Variants in PCDH12 observed in about 807,000 individuals in gnomAD.
PCDH12 encodes the protein protocadherin 12, also known as protocadherin-12.
Under a neutral mutation model 70.9 loss-of-function variants are expected in PCDH12, and 45 were observed. That is an observed-to-expected ratio of 0.63 (90% CI 0.50 to 0.81). The LOEUF is 0.81. PCDH12 is among the 40% of genes least tolerant of loss of function. The pLI is 0.00. For missense variants in PCDH12, 1,370 were observed against 1,491.7 expected (o/e 0.92, Z 1.34); for synonymous variants, 567 against 626.0 (o/e 0.91, Z 1.41).
chr5:141,957,976 C>T lies in PCDH12; in HGVS notation c.-125G>A, dbSNP rs936057956. 6.4e-6 allele frequency: 7 copies of T among 1,100,118 alleles called. No individual in the cohort carries two copies. In the East Asian group the frequency reaches 1.7e-4, roughly 27 times the overall value. 68.1% of individuals were successfully genotyped at this position (1,100,118 alleles called of 1,614,324 possible). The stretch of plus-strand genomic sequence containing the variant: ...CCTTCCCCCAGAGCTGCCGGCACAA[C>T]CTTGTCCCATAGTTAGATGATTATG... On this transcript the variant is annotated 5_prime_UTR_variant, in exon 1 of 4. Transcript: ENST00000231484. This position sits in a 1 kb window ranked among gnomAD's most constrained non-coding sequence, Gnocchi z 4.3.
intron 1 of PCDH12, among the ~76,000 whole-genome samples, chr5:141,953,797 A>G (rs1334357382): frequency 6.6e-6 from 1 of 152,236 alleles, no homozygotes; most frequent in Non-Finnish European, 1.5e-5. Context: ...TCCTAAGAGA[A>G]CAGCTGGGCC....
At position 141,955,251 on chromosome 5, in the gene PCDH12, C is replaced by A; in HGVS notation, c.2601G>T (p.Glu867Asp). Residue 867 changes from glutamate to aspartate, a missense_variant, in exon 1 of 4, where the codon GAG becomes GAT. Coordinates refer to ENST00000231484, the MANE Select transcript of PCDH12 (RefSeq NM_016580.4). This position sits in a 1 kb window ranked among gnomAD's most constrained non-coding sequence, Gnocchi z 5.5. ...GTGGCTGGCCTGTGGCAGGCTGGGG[C>A]TCGGGAAGGTTCAGGTTCTCCCGGG... is the stretch of plus-strand genomic sequence containing the variant. Reference protein sequence around the residue: ...NASRENLNLPEPQPATGQPRS... With the variant: ...NASRENLNLPDPQPATGQPRS... 1.2e-6 allele frequency: 2 copies of A among 1,614,220 alleles called. No homozygotes were observed. The highest frequency in any genetic ancestry group is 1.7e-6 in the Non-Finnish European group (2 of 1,180,044).
chr5:141,957,483 G>T lies in PCDH12; in HGVS notation c.369C>A (p.Ile123=). The change falls in exon 1 of 4, where the codon ATC becomes ATA. Residue 123 remains isoleucine (I), a synonymous_variant. Transcript: ENST00000231484. This position sits in a 1 kb window ranked among gnomAD's most constrained non-coding sequence, Gnocchi z 4.3. The part of the protein sequence containing the change: ...TGDLALIHVE[I]QVLDINDHQP... ...GGTGGTCATTGATGTCCAGCACTTG[G>T]ATCTCCACATGGATCAGAGCCAAAT... 6.2e-7 allele frequency: 1 copy of T among 1,613,466 alleles called. No homozygotes were observed. The highest frequency in any genetic ancestry group is 8.5e-7 in the Non-Finnish European group (1 of 1,179,684).
At chr5:141,954,840 A>T in intron 1 of PCDH12, 132 bp downstream of exon 1, 1 of 1,218,476 alleles carries the variant, frequency 8.2e-7, no homozygotes, top group African/African-American at 1.5e-5. Context: ...AACCATTGCT[A>T]CCCAAAGCAT....
At position 141,957,189 on chromosome 5, in the gene PCDH12, G is replaced by A. The variant is rs370982872; in HGVS notation, c.663C>T (p.Asn221=). ...DLVLTAYDNG[N]PPKSGTSLVK... ...CCAAGCTGGTACCTGACTTGGGGGG[G>A]TTCCCATTGTCATAGGCAGTTAACA... Residue 221 remains asparagine (N), a synonymous_variant, in exon 1 of 4, where the codon AAC becomes AAT. Coordinates refer to ENST00000231484, the MANE Select transcript of PCDH12 (RefSeq NM_016580.4). This position sits in a 1 kb window ranked among gnomAD's most constrained non-coding sequence, Gnocchi z 4.3. 5 of 1,614,160 alleles carry A rather than the reference G, an allele frequency of 3.1e-6. No homozygotes were observed. In the Admixed American group the frequency reaches 5.0e-5, roughly 16 times the overall value.
In PCDH12 at chr5:141,956,057, C is replaced by T; in HGVS notation, c.1795G>A (p.Gly599Ser). ...GGAGGTGTGTCAGTGCCCGCTGGGCCCAAGCCATTGGGAGTCTCGATGGGC... is the reference window on the plus strand; with the variant it reads ...GGAGGTGTGTCAGTGCCCGCTGGGCTCAAGCCATTGGGAGTCTCGATGGGC... ...LVPIETPNGL[G>S]PAGTDTPPLA... The change falls in exon 1 of 4, where the codon GGC (glycine) becomes AGC (serine). Residue 599 changes from glycine to serine, a missense_variant. Gly to Ser is a moderately conservative substitution (Grantham distance 56, BLOSUM62 0). Transcript: ENST00000231484. 1 of 1,614,064 alleles carries T rather than the reference C, an allele frequency of 6.2e-7. No homozygotes were observed. The highest frequency in any genetic ancestry group is 2.2e-5 in the East Asian group (1 of 44,870).
In PCDH12 at chr5:141,945,640, C is replaced by A; in HGVS notation, c.3296G>T (p.Ser1099Ile). 2 of 1,614,220 alleles carry A rather than the reference C, an allele frequency of 1.2e-6. No homozygotes were observed. The highest frequency in any genetic ancestry group is 1.7e-6 in the Non-Finnish European group (2 of 1,180,038). The change falls in exon 4 of 4, where the codon AGC becomes ATC. Residue 1099 changes from serine to isoleucine, a missense_variant. Physicochemically the swap from Ser to Ile is moderately radical, Grantham distance 142. Coordinates refer to ENST00000231484, the MANE Select transcript of PCDH12 (RefSeq NM_016580.4). The part of the protein sequence containing the change: ...TFGKAEAPEL[S>I]PTGTRLASTF... ...GCTGGCCAGCCTCGTGCCTGTTGGG[C>A]TCAGCTCTGGTGCCTCTGCCTTGCC... is the stretch of plus-strand genomic sequence containing the variant.
rs61737140 is a variant in PCDH12, at chr5:141,955,156, G to C, written c.2696C>G (p.Ala899Gly). Residue 899 changes from alanine to glycine, a missense_variant, in exon 1 of 4, where the codon GCC becomes GGC. Physicochemically the swap from Ala to Gly is moderately conservative, Grantham distance 60. Transcript: ENST00000231484. This position sits in a 1 kb window ranked among gnomAD's most constrained non-coding sequence, Gnocchi z 5.5. ...RLAGDQGSEE[A>G]PQRPPASSAT... ...AGAGGAGGCTGGTGGCCTCTGTGGGGCTTCCTCACTGCCCTGGTCTCCAGC... is the reference window on the plus strand; with the variant it reads ...AGAGGAGGCTGGTGGCCTCTGTGGGCCTTCCTCACTGCCCTGGTCTCCAGC... 2.5e-6 allele frequency: 4 copies of C among 1,614,214 alleles called. No individual in the cohort carries two copies. The highest frequency in any genetic ancestry group is 3.4e-6 in the Non-Finnish European group (4 of 1,180,036).
Position 141,955,800 on chromosome 5 carries a change from G to T in PCDH12, c.2052C>A (p.Pro684=). 6.2e-7 allele frequency: 1 copy of T among 1,613,736 alleles called. No homozygotes were observed. The highest frequency in any genetic ancestry group is 8.5e-7 in the Non-Finnish European group (1 of 1,179,832). Residue 684 remains proline, a synonymous_variant, in exon 1 of 4, where the codon CCC becomes CCA. Coordinates refer to ENST00000231484, the MANE Select transcript of PCDH12 (RefSeq NM_016580.4). This position sits in a 1 kb window ranked among gnomAD's most constrained non-coding sequence, Gnocchi z 5.5. ...CCCTCAACAGGGCTCGGGTCTGTAA[G>T]GGGGGGCTTCCCTGGTCCTCTACTA... ...EIVVEDQGSP[P]LQTRALLRVM... is the part of the protein sequence containing the mutation.
At chr5:141,949,637 T>C in intron 2 of PCDH12, 54 bp from the exon 3 acceptor site, 1 of 1,576,806 alleles carries the variant, frequency 6.3e-7, no homozygotes, top group African/African-American at 1.4e-5. Flanking sequence ...ATAGATTCAT[T>C]CATTCATGCC....
Position 141,956,445 on chromosome 5 carries a change from C to T in PCDH12, c.1407G>A (p.Thr469=), listed in dbSNP as rs905385036. 10 of 1,614,064 alleles carry T rather than the reference C, an allele frequency of 6.2e-6. No individual in the cohort carries two copies. Among genetic ancestry groups the T allele is most frequent in the Admixed American group, 3.3e-5 (2 of 60,002 alleles). ...GAAGAGAGGGTAAGTTGTTTTCCCG[C>T]GTGGAGACTTCATACCTGCTTTTCT... The part of the protein sequence containing the change: ...VFEKSRYEVS[T]RENNLPSLHL... The change falls in exon 1 of 4, where the codon ACG becomes ACA. Residue 469 remains threonine, a synonymous_variant. Transcript: ENST00000231484.
chr5:141,946,755 A>C (rs1752942461), intron 3 of PCDH12, among the ~76,000 whole-genome samples: 1 of 152,172 alleles, frequency 6.6e-6, no homozygotes, highest in Non-Finnish European at 1.5e-5. Context: ...TGGCCCCTAC[A>C]TTTGCAATGC....
At chr5:141,948,341 AG>A (rs1209141069) in intron 3 of PCDH12, among the ~76,000 whole-genome samples, 1 of 152,228 alleles carries the variant, frequency 6.6e-6, no homozygotes, top group South Asian at 2.1e-4. Context: ...AGGAAAGAGA[AG>A]TCCCTGCCAT....
chr5:141,949,822 G>C (rs1596642844), intron 2 of PCDH12, among the ~76,000 whole-genome samples: 1 of 152,308 alleles, frequency 6.6e-6, no homozygotes, highest in East Asian at 1.9e-4. Flanking sequence ...GGTAAAATGA[G>C]ACGTTGTAGG....
intron 3 of PCDH12, 40 bp from the exon 4 acceptor site, chr5:141,945,845 G>A (rs769856597): frequency 2.7e-5 from 42 of 1,581,120 alleles, no homozygotes; most frequent in Middle Eastern, 2.1e-4. Context: ...GCCAGGCTCC[G>A]GGAAGGGCCA....
At chr5:141,948,016 G>A (rs1327564962) in intron 3 of PCDH12, among the ~76,000 whole-genome samples, 2 of 152,200 alleles carry the variant, frequency 1.3e-5, no homozygotes, top group African/African-American at 4.8e-5. Context: ...TTGAAATGTG[G>A]CTGGTATGGC....
At chr5:141,953,551 A>G (rs1465431174) in intron 1 of PCDH12, among the ~76,000 whole-genome samples, 3 of 152,208 alleles carry the variant, frequency 2.0e-5, no homozygotes, top group African/African-American at 7.2e-5. Flanking sequence ...AGATATGAGC[A>G]TTGGGCAAGT....
chr5:141,956,184 C>T lies in PCDH12; in HGVS notation c.1668G>A (p.Leu556=). Residue 556 remains leucine, a synonymous_variant, in exon 1 of 4, where the codon TTG becomes TTA. Coordinates refer to ENST00000231484, the MANE Select transcript of PCDH12 (RefSeq NM_016580.4). ...ASSVSVWVSL[L]DANDNAPEVV... ...CCTCTGGGGCATTATCATTGGCATC[C>T]AAGAGGCTGACCCACACAGAGACAC... is the stretch of plus-strand genomic sequence containing the variant. 6.2e-7 allele frequency: 1 copy of T among 1,614,192 alleles called. No individual in the cohort carries two copies.
In PCDH12 at chr5:141,957,412, C is replaced by T; in HGVS notation, c.440G>A (p.Ser147Asn). The change falls in exon 1 of 4, where the codon AGC becomes AAC. Residue 147 changes from serine (S) to asparagine (N), a missense_variant. Transcript: ENST00000231484. The surrounding 1 kb of genome is among the most constrained non-coding windows in gnomAD (Gnocchi z 4.3). Reference protein sequence around the residue: ...KGEQELEISESASLRTRIPLD... With the variant: ...KGEQELEISENASLRTRIPLD... ...GGGGATCCGGGTTCGCAGAGAGGCGCTCTCAGAGATTTCCAGCTCCTGCTC... is the reference window on the plus strand; with the variant it reads ...GGGGATCCGGGTTCGCAGAGAGGCGTTCTCAGAGATTTCCAGCTCCTGCTC... 6.2e-7 allele frequency: 1 copy of T among 1,613,236 alleles called. No individual in the cohort carries two copies. Among genetic ancestry groups the T allele is most frequent in the Non-Finnish European group, 8.5e-7 (1 of 1,179,626 alleles).
Sources: gnomAD v4.1 joint callset for allele counts (sites outside exome capture counted in the v4.1 genomes callset) on GRCh38, gnomAD v4.1.1 for gene constraint, Gnocchi (gnomAD v3.1) non-coding constraint, MANE v1.5 for transcripts, NCBI Gene and HGNC (gene_info 2026-07-23, HGNC 2026-07-21) for gene names.